Variants in AMOT observed in about 807,000 individuals in gnomAD.
AMOT encodes the protein angiomotin.
In AMOT, 11 loss-of-function variants were observed where a neutral mutation model predicts 67.0. The observed-to-expected ratio is 0.16, with a 90% CI of 0.10 to 0.27. The LOEUF is 0.27. Among genes scored for constraint, AMOT ranks in the 10% least tolerant of loss-of-function variants. The probability of loss-of-function intolerance (pLI) is 1.00; values close to 1 mark genes in which losing one functional copy is unlikely to be tolerated. For synonymous variants in AMOT, 326 were observed against 321.4 expected, an observed-to-expected ratio of 1.01 and a Z score of -0.15; for missense variants, 753 against 852.0, an observed-to-expected ratio of 0.88 and a Z score of 1.45.
chrX:112,782,465 T>C, intron 11 of AMOT, 75 bp downstream of exon 11: 3 of 1,182,083 alleles, frequency 2.5e-6, no homozygotes, highest in African/African-American at 3.5e-5. Context: ...TCAGATTTCC[T>C]AGCTGTGAAT....
intron 10 of AMOT, among the ~76,000 whole-genome samples, chrX:112,785,744 A>G (rs1365493328): frequency 8.9e-6 from 1 of 112,386 alleles, no homozygotes; most frequent in African/African-American, 3.2e-5. Context: ...TAATCCCAGC[A>G]ACAGATCATG....
chrX:112,790,872 C>T (rs2147786851), intron 9 of AMOT, 90 bp from the exon 10 acceptor site: 1 of 869,438 alleles, frequency 1.2e-6, no homozygotes, highest in South Asian at 4.2e-5. Flanking sequence ...TACTGCCCAG[C>T]CTACTTCTGT....
chrX:112,815,485 G>A lies in AMOT; in HGVS notation c.1265C>T (p.Pro422Leu). 1.7e-6 allele frequency: 2 copies of A among 1,211,658 alleles called. No individual in the cohort carries two copies. Among genetic ancestry groups the A allele is most frequent in the Non-Finnish European group, 2.2e-6 (2 of 895,558 alleles). ...AATGGCAAAAGGGTCTGCTGGCACT[G>A]GCTGATAAGAAGCAGAGGATGGCTG... ...RAQPSSASYQPVPADPFAIVS... is the reference protein window; with the variant it reads ...RAQPSSASYQLVPADPFAIVS... Residue 422 changes from proline to leucine, a missense_variant, in exon 5 of 14, where the codon CCA (proline) becomes CTA (leucine). Pro to Leu is a moderately conservative substitution (Grantham distance 98). Coordinates refer to ENST00000371959, the MANE Select transcript of AMOT (RefSeq NM_001113490.2).
chrX:112,790,742 T>C lies in AMOT; in HGVS notation c.1967A>G (p.Asn656Ser), dbSNP rs141598485. The change falls in exon 10 of 14, where the codon AAT (asparagine) becomes AGT (serine). Residue 656 changes from asparagine to serine, a missense_variant. Physicochemically the swap from Asn to Ser is conservative, Grantham distance 46 (BLOSUM62 1). Transcript: ENST00000371959. ...NCQPTNVSEY[N>S]AAALMELLRE... ...AAGGAGCTCCATCAGTGCAGCAGCA[T>C]TGTATTCTGAAACGTTGGTGGGCTG... The C allele has an allele frequency of 3.1e-5, 37 of 1,200,054 alleles. No individual in the cohort carries two copies. The highest frequency in any genetic ancestry group is 1.9e-4 in the African/African-American group (11 of 56,944).
At position 112,781,167 on chromosome X, in the gene AMOT, C is replaced by T. The variant is rs181629212; in HGVS notation, c.2241-49G>A. 455 of 1,130,305 alleles carry T rather than the reference C, an allele frequency of 4.0e-4. 5 individuals carry two copies. The African/African-American group carries it at 6.4e-3, about 16-fold the overall frequency. The allele number at this position is 1,130,305 out of a possible 1,213,427, so 93.1% of individuals were successfully genotyped here. A position where few individuals can be genotyped will look rare whatever the true frequency, so the allele number is the denominator to read the frequency against. On this transcript the variant is annotated intron_variant, in intron 11 of 13. Transcript: ENST00000371959. ...TATAAAGACCTTGTTGTGGGCTGGG[C>T]GCGGTGGCTTACGCCTGTAATCCCA...
intron 10 of AMOT, among the ~76,000 whole-genome samples, chrX:112,786,721 G>A (rs1933372507): frequency 1.8e-5 from 2 of 112,155 alleles, no homozygotes; most frequent in African/African-American, 6.5e-5. Flanking sequence ...AGCAGCTAAG[G>A]AGACAAAAAT....
At position 112,779,608 on chromosome X, in the gene AMOT, G is replaced by A. The variant is rs1933066872; in HGVS notation, c.2546C>T (p.Pro849Leu). 8.3e-7 allele frequency: 1 copy of A among 1,208,640 alleles called. No individual in the cohort carries two copies. Among genetic ancestry groups the A allele is most frequent in the African/African-American group, 1.8e-5 (1 of 56,673 alleles). ...TGTCTTGGAGTGAGCCGAGAGCAGG[G>A]GAGTCGAGGGTGGCACAGGCGAGGG... The part of the protein sequence containing the change: ...STPSPVPPST[P>L]LLSAHSKTGS... Residue 849 changes from proline to leucine, a missense_variant, in exon 13 of 14, where the codon CCC becomes CTC. Physicochemically the swap from Pro to Leu is moderately conservative, Grantham distance 98 (BLOSUM62 -3). Transcript: ENST00000371959.
rs756592778 is a variant in AMOT, at chrX:112,781,045, C to T, written c.2314G>A (p.Glu772Lys). Residue 772 changes from glutamate to lysine, a missense_variant, in exon 12 of 14, where the codon GAG becomes AAG. Physicochemically the swap from Glu to Lys is moderately conservative, Grantham distance 56 (BLOSUM62 1). This residue lies in a region of AMOT where 269 missense variants were observed against 300.9 expected (regional missense o/e 0.89). Transcript: ENST00000371959. Reference sequence around the variant, plus strand: ...GACAGCTGCTCTGTCTTGCTCGGCTCCTTCCGGGAACGCTGCTGGAGTACT... The same window carrying T: ...GACAGCTGCTCTGTCTTGCTCGGCTTCTTCCGGGAACGCTGCTGGAGTACT... The part of the protein sequence containing the change: ...IKVLQQRSRK[E>K]PSKTEQLSCM... 1 of 1,211,966 alleles carries T rather than the reference C, an allele frequency of 8.3e-7. No homozygotes were observed. Among genetic ancestry groups the T allele is most frequent in the Non-Finnish European group, 1.1e-6 (1 of 895,586 alleles).
At position 112,778,714 on chromosome X, in the gene AMOT, A is replaced by G. The variant is rs753075762; in HGVS notation, c.3158-50T>C. ...ACACTTAGGGATGAAGAAAAAACCC[A>G]TATTTCTAGAACCAGACACCATCAG... On this transcript the variant is annotated intron_variant, in intron 13 of 13. Coordinates refer to ENST00000371959, the MANE Select transcript of AMOT (RefSeq NM_001113490.2). 1.6e-5 allele frequency: 17 copies of G among 1,068,556 alleles called. No individual in the cohort carries two copies. In the East Asian group the frequency reaches 4.3e-4, roughly 27 times the overall value. 88.1% of individuals were successfully genotyped at this position (1,068,556 alleles called of 1,213,427 possible).
chrX:112,782,487 G>A (rs957989253), intron 11 of AMOT, 53 bp downstream of exon 11: 1 of 1,201,861 alleles, frequency 8.3e-7, no homozygotes, highest in African/African-American at 1.8e-5. Context: ...AAGATCCTAT[G>A]TGGTCTCTAT....
intron 2 of AMOT, among the ~76,000 whole-genome samples, chrX:112,832,002 T>A (rs913543602): frequency 9.0e-6 from 1 of 111,237 alleles, no homozygotes; most frequent in Non-Finnish European, 1.9e-5. Flanking sequence ...AAAAAAGAAG[T>A]TAACTCTCAC....
chrX:112,798,271 T>A (rs1359909744), intron 8 of AMOT, among the ~76,000 whole-genome samples: 1 of 112,855 alleles, frequency 8.9e-6, no homozygotes, highest in East Asian at 2.8e-4. Context: ...CCTTGAATAA[T>A]CTTATCTGAT....
At chrX:112,804,895 A>C in intron 8 of AMOT, 52 bp downstream of exon 8, 4 of 1,064,246 alleles carry the variant, frequency 3.8e-6, no homozygotes, top group East Asian at 3.1e-5. Context: ...AGTGTCCCCG[A>C]TTTCCCAGCC....
chrX:112,820,802 G>A (rs1934693305), intron 4 of AMOT, among the ~76,000 whole-genome samples: 2 of 111,392 alleles, frequency 1.8e-5, no homozygotes, highest in Admixed American at 1.9e-4. Context: ...TGGTCAGATG[G>A]GAATCTGGTT....
In AMOT at chrX:112,810,448, C is replaced by T. The variant is rs183000018; in HGVS notation, c.1538-462G>A. Among the ~76,000 whole-genome samples the T allele has an allele frequency of 3.4e-3, 380 of 112,148 alleles. 1 individual carries two copies. The highest frequency in any genetic ancestry group is 0.012 in the African/African-American group (356 of 30,868). On this transcript the variant is annotated intron_variant, in intron 6 of 13. Transcript: ENST00000371959. ...CCCTGGCCGGGCACAGTGACTCATG[C>T]CTGTAATCCCAGCACTTTGGGAGGC... is the stretch of plus-strand genomic sequence containing the variant.
intron 1 of AMOT, among the ~76,000 whole-genome samples, chrX:112,835,362 C>A (rs1218079371): frequency 9.1e-6 from 1 of 110,336 alleles, no homozygotes; most frequent in Non-Finnish European, 1.9e-5. Context: ...GGCAAGCCCA[C>A]AGACTTAAAA....
chrX:112,779,255 C>G lies in AMOT; in HGVS notation c.2899G>C (p.Ala967Pro), dbSNP rs1433165763. 1 of 633,205 alleles carries G rather than the reference C, an allele frequency of 1.6e-6. No homozygotes were observed. Among genetic ancestry groups the G allele is most frequent in the Non-Finnish European group, 2.6e-6 (1 of 378,076 alleles). 52.2% of individuals were successfully genotyped at this position (633,205 alleles called of 1,213,427 possible). ...GCAGCTGGAGCAACCTGAACAGCAG[C>G]AGCAGCAGCAGCAGAAGGAGCAACG... The part of the protein sequence containing the change: ...AAVAPSAAAA[A>P]AVQVAPAAPA... The change falls in exon 13 of 14, where the codon GCT (alanine) becomes CCT (proline). Residue 967 changes from alanine (A) to proline (P), a missense_variant. By Grantham distance (27) the Ala-to-Pro change is conservative. Transcript: ENST00000371959.
In AMOT at chrX:112,782,563, C is replaced by T. The variant is rs772193422; in HGVS notation, c.2217G>A (p.Lys739=). Residue 739 remains lysine (K), a synonymous_variant, in exon 11 of 14, where the codon AAG becomes AAA. Transcript: ENST00000371959. ...ACCTGCCCTCCATGTCAAGGCAACG[C>T]TTATTGGCCATCAAGATTTCTTCCT... ...KEEEEILMAN[K]RCLDMEGRIK... is the part of the protein sequence containing the mutation. 9.1e-6 allele frequency: 11 copies of T among 1,209,843 alleles called. No individual in the cohort carries two copies. The highest frequency in any genetic ancestry group is 1.2e-5 in the Non-Finnish European group (11 of 895,190).
rs1337661455 is a variant in AMOT at position 112,822,965 on chromosome X, G to A, written c.162C>T (p.Asn54=). ...NGPPFPSGSG[N]PGPQSDVLSP... ...TCAACACATCACTCTGAGGGCCCGG[G>A]TTCCCACTGCCACTGGGGAAAGGAG... The change falls in exon 4 of 14, where the codon AAC becomes AAT. Residue 54 remains asparagine (N), a synonymous_variant. Transcript: ENST00000371959. 8 of 1,165,792 alleles carry A rather than the reference G, an allele frequency of 6.9e-6. No individual in the cohort carries two copies. Among genetic ancestry groups the A allele is most frequent in the Middle Eastern group, 4.6e-4 (2 of 4,306 alleles).
Sources: allele counts gnomAD v4.1 joint callset (sites outside exome capture counted in the v4.1 genomes callset), GRCh38; gene constraint gnomAD v4.1.1; regional missense constraint gnomAD v4.1.1; transcripts MANE v1.5; gene names NCBI Gene and HGNC (gene_info 2026-07-23, HGNC 2026-07-21).